FAM151B: variants seen among roughly 807,000 people sequenced by gnomAD.
FAM151B encodes the protein protein FAM151B.
In FAM151B, 24 loss-of-function variants were observed where a neutral mutation model predicts 31.2. The observed-to-expected ratio is 0.77, with a 90% CI of 0.56 to 1.08. The LOEUF (loss-of-function observed/expected upper bound fraction) is 1.08. Ranked by LOEUF, FAM151B falls within the 50% of genes least tolerant of loss-of-function variation. The pLI, the probability that FAM151B is intolerant of heterozygous loss-of-function variation, is 0.00. For missense variants in FAM151B, 293 were observed against 328.6 expected, an observed-to-expected ratio of 0.89 and a Z score of 0.84; for synonymous variants, 105 against 111.4, an observed-to-expected ratio of 0.94 and a Z score of 0.36.
intron 2 of FAM151B, among the ~76,000 whole-genome samples, chr5:80,511,778 T>G (rs527452290): frequency 6.6e-6 from 1 of 152,122 alleles, no homozygotes; most frequent in Non-Finnish European, 1.5e-5. Flanking sequence ...GGCTAAATTT[T>G]GAGTTTTTAG....
intron 3 of FAM151B, 115 bp from the exon 4 acceptor site, chr5:80,519,578 A>T: frequency 1.2e-6 from 1 of 836,256 alleles, no homozygotes; most frequent in Non-Finnish European, 1.8e-6. Flanking sequence ...TATTTAACCC[A>T]GACATTATTG....
chr5:80,520,900 C>G (rs1744677509), intron 4 of FAM151B, among the ~76,000 whole-genome samples: 1 of 148,914 alleles, frequency 6.7e-6, no homozygotes, highest in South Asian at 2.1e-4. Context: ...CCTCCACCTC[C>G]CAGGTTCCCA....
At chr5:80,521,830 G>GT (rs1204636615) in intron 4 of FAM151B, among the ~76,000 whole-genome samples, 173 bp from the exon 5 acceptor site, 3 of 151,632 alleles carry the variant, frequency 2.0e-5, no homozygotes, top group Admixed American at 6.6e-5. Context: ...TTTCCACTTA[G>GT]TTTTTTTTCA....
chr5:80,494,492 C>A (rs1303405754), intron 1 of FAM151B, among the ~76,000 whole-genome samples: 10 of 143,180 alleles, frequency 7.0e-5, no homozygotes, highest in African/African-American at 2.5e-4. Flanking sequence ...TTCTTTCTTT[C>A]TTTCTTTCTT....
chr5:80,521,725 T>C (rs1744730344), intron 4 of FAM151B, among the ~76,000 whole-genome samples: 1 of 152,196 alleles, frequency 6.6e-6, no homozygotes. Flanking sequence ...TAAATTTTTT[T>C]TCTTGTGCTT....
At chr5:80,538,460 T>TCTC (rs1561383674) in intron 5 of FAM151B, among the ~76,000 whole-genome samples, 38 of 82,104 alleles carry the variant, frequency 4.6e-4, no homozygotes, top group South Asian at 8.2e-4. Context: ...CTTTCTTTCT[T>TCTC]TCTTTCTTTC....
chr5:80,514,714 G>C (rs1031089929), intron 3 of FAM151B, among the ~76,000 whole-genome samples: 2 of 151,990 alleles, frequency 1.3e-5, no homozygotes, highest in African/African-American at 4.8e-5. Context: ...AGGATTGGCA[G>C]TAAGCCTACT....
At chr5:80,531,086 G>T (rs1016655011) in intron 5 of FAM151B, among the ~76,000 whole-genome samples, 1 of 152,016 alleles carries the variant, frequency 6.6e-6, no homozygotes, top group Non-Finnish European at 1.5e-5. Context: ...GAGACCGCAC[G>T]TCTGCAACCA....
chr5:80,534,476 C>T (rs1745401205), intron 5 of FAM151B, among the ~76,000 whole-genome samples: 2 of 152,106 alleles, frequency 1.3e-5, no homozygotes, highest in African/African-American at 4.8e-5. Context: ...CACTGTGATA[C>T]ATCGTATTAA....
chr5:80,518,092 AAAG>A (rs1271324190), intron 3 of FAM151B, among the ~76,000 whole-genome samples: 1 of 151,192 alleles, frequency 6.6e-6, no homozygotes. Context: ...AAAAAAAAAA[AAAG>A]AAACTGGATA....
In FAM151B at chr5:80,541,724, T is replaced by C; in HGVS notation, c.723T>C (p.Asp241=). The C allele has an allele frequency of 6.2e-7, 1 of 1,613,710 alleles. No homozygotes were observed. Among genetic ancestry groups the C allele is most frequent in the South Asian group, 1.1e-5 (1 of 91,058 alleles). Residue 241 remains aspartate, a synonymous_variant, in exon 6 of 6, where the codon GAT becomes GAC. Coordinates refer to ENST00000282226, the MANE Select transcript of FAM151B (RefSeq NM_205548.3). ...TGKNDNYSVE[D]LLYIRDHFDK... ...AAAATGATAACTATTCCGTTGAAGA[T>C]TTACTTTACATTAGAGACCATTTTG...
At chr5:80,497,112 A>G (rs1743576386) in intron 1 of FAM151B, among the ~76,000 whole-genome samples, 1 of 151,804 alleles carries the variant, frequency 6.6e-6, no homozygotes. Context: ...TGCCCAGCCT[A>G]ATTTTTTTCT....
At chr5:80,510,101 G>C (rs756388603) in intron 2 of FAM151B, among the ~76,000 whole-genome samples, 10 of 152,154 alleles carry the variant, frequency 6.6e-5, no homozygotes, top group Non-Finnish European at 1.0e-4. Flanking sequence ...ATCTATTGCT[G>C]TGTAATAGAA....
Position 80,512,817 on chromosome 5 carries a change from A to G in FAM151B, c.152-787A>G, listed in dbSNP as rs7716063. Among the ~76,000 whole-genome samples the G allele has an allele frequency of 3.9e-3, 591 of 152,088 alleles. 3 individuals carry two copies. Among genetic ancestry groups the G allele is most frequent in the African/African-American group, 0.012 (517 of 41,496 alleles). On this transcript the variant is annotated intron_variant, in intron 2 of 5. Coordinates refer to ENST00000282226, the MANE Select transcript of FAM151B (RefSeq NM_205548.3). The stretch of plus-strand genomic sequence containing the variant: ...AAAAGAAATTTAAAAAAATGTAAGT[A>G]AATGCATTTTAAAGAATTTTTAAAA...
chr5:80,539,243 C>G lies in FAM151B; in HGVS notation c.672-2430C>G, dbSNP rs1745760217. 2.0e-5 allele frequency among the ~76,000 whole-genome samples: 3 copies of G among 152,022 alleles called. No individual in the cohort carries two copies. The South Asian group carries it at 6.2e-4, about 32-fold the overall frequency. On this transcript the variant is annotated intron_variant, in intron 5 of 5. Coordinates refer to ENST00000282226, the MANE Select transcript of FAM151B (RefSeq NM_205548.3). ...CTTAAGATATTTTTGTCTATTTCCT[C>G]ATCCACCTTCATAGTTTTTCCTTTT...
chr5:80,506,986 G>T (rs1743987047), intron 2 of FAM151B, among the ~76,000 whole-genome samples: 1 of 152,038 alleles, frequency 6.6e-6, no homozygotes. Context: ...GTGCATGGTG[G>T]TGCATGCCTG....
chr5:80,507,790 C>T (rs1181880602), intron 2 of FAM151B, among the ~76,000 whole-genome samples: 1 of 152,202 alleles, frequency 6.6e-6, no homozygotes, highest in African/African-American at 2.4e-5. Flanking sequence ...CCTGTGTCTC[C>T]AAGTCCACCT....
intron 5 of FAM151B, among the ~76,000 whole-genome samples, chr5:80,538,454 C>CTTTCTTTCTTTCTCTTTCTTTG (rs1745668705): frequency 7.9e-5 from 5 of 62,966 alleles, no homozygotes; most frequent in Admixed American, 3.5e-4. Flanking sequence ...CTTTCTCTTT[C>CTTTCTTTCTTTCTCTTTCTTTG]TTTCTTTCTT....
At chr5:80,531,984 A>C (rs1338178266) in intron 5 of FAM151B, among the ~76,000 whole-genome samples, 5 of 151,870 alleles carry the variant, frequency 3.3e-5, no homozygotes, top group African/African-American at 1.2e-4. Context: ...CTTGGAACCA[A>C]CCCAAATGTC....
Sources: gnomAD v4.1 joint callset for allele counts (sites outside exome capture counted in the v4.1 genomes callset) on GRCh38, gnomAD v4.1.1 for gene constraint, MANE v1.5 for transcripts, NCBI Gene and HGNC (gene_info 2026-07-23, HGNC 2026-07-21) for gene names.